The following UNC5C variants were observed in gnomAD, a reference collection of about 807,000 sequenced individuals.
The protein encoded by UNC5C is netrin receptor UNC5C.
Under a neutral mutation model 99.8 loss-of-function variants are expected in UNC5C, and 47 were observed. The ratio of observed to expected loss-of-function variants is 0.47; its 90% confidence interval spans 0.37 to 0.60. The LOEUF is 0.60. UNC5C is among the 20% of genes least tolerant of loss of function. UNC5C has a pLI of 0.00. For missense variants in UNC5C, 1,062 were observed against 1,165.9 expected (o/e 0.91, Z 1.30); for synonymous variants, 487 against 452.2 (o/e 1.08, Z -0.98).
At chr4:95,226,401 T>A (rs1738690055) in intron 7 of UNC5C, among the ~76,000 whole-genome samples, 1 of 152,208 alleles carries the variant, frequency 6.6e-6, no homozygotes, top group Admixed American at 6.5e-5. Context: ...ATTTGTAAGG[T>A]GCTGGTACAT....
intron 9 of UNC5C, 86 bp downstream of exon 9, chr4:95,218,883 G>T: frequency 7.4e-7 from 1 of 1,354,424 alleles, no homozygotes; most frequent in Non-Finnish European, 9.9e-7. Flanking sequence ...CAGGCCTAAT[G>T]AAAACATCCC....
At chr4:95,341,022 G>C (rs954130600) in intron 1 of UNC5C, among the ~76,000 whole-genome samples, 2 of 152,152 alleles carry the variant, frequency 1.3e-5, no homozygotes, top group Non-Finnish European at 2.9e-5. Flanking sequence ...AGGAGGTGAA[G>C]AAATGTGCAA....
At chr4:95,373,423 C>T (rs1300174506) in intron 1 of UNC5C, among the ~76,000 whole-genome samples, 1 of 152,164 alleles carries the variant, frequency 6.6e-6, no homozygotes, top group Admixed American at 6.5e-5. Context: ...ATCCTGCTCC[C>T]TCCACGCATC....
chr4:95,249,794 C>T (rs1410583974), intron 5 of UNC5C, among the ~76,000 whole-genome samples: 1 of 152,136 alleles, frequency 6.6e-6, no homozygotes, highest in South Asian at 2.1e-4. Flanking sequence ...TTTAGCATAT[C>T]GTTAGGATTA....
In UNC5C at chr4:95,317,939, G is replaced by A. The variant is rs138377448; in HGVS notation, c.347-16190C>T. Reference sequence around the variant, plus strand: ...TTGGTGGCTGTAGTGGGCTGAATGCGGAATGGTGTCCCACAAAGGATATGT... The same window carrying A: ...TTGGTGGCTGTAGTGGGCTGAATGCAGAATGGTGTCCCACAAAGGATATGT... On this transcript the variant is annotated intron_variant, in intron 2 of 15. Coordinates refer to ENST00000453304, the MANE Select transcript of UNC5C (RefSeq NM_003728.4). Among the ~76,000 whole-genome samples, 20 of 152,100 alleles carry A rather than the reference G, an allele frequency of 1.3e-4. 1 individual carries two copies. The highest frequency in any genetic ancestry group is 1.2e-3 in the South Asian group (6 of 4,816).
intron 1 of UNC5C, among the ~76,000 whole-genome samples, chr4:95,376,048 G>C (rs563018059): frequency 6.6e-6 from 1 of 151,770 alleles, no homozygotes; most frequent in African/African-American, 2.4e-5. Flanking sequence ...GCAAGACTCC[G>C]TCTCAAAAAA....
intron 4 of UNC5C, among the ~76,000 whole-genome samples, chr4:95,271,233 T>C (rs1001248678): frequency 2.2e-5 from 2 of 88,908 alleles, no homozygotes; most frequent in African/African-American, 1.4e-4. Flanking sequence ...TTTTTATTTA[T>C]TTTTTTTTTT....
chr4:95,385,318 A>G (rs1745183928), intron 1 of UNC5C, among the ~76,000 whole-genome samples: 2 of 152,364 alleles, frequency 1.3e-5, no homozygotes, highest in South Asian at 4.1e-4. Flanking sequence ...TTGCAGAAAG[A>G]TGGATAAACC....
intron 14 of UNC5C, among the ~76,000 whole-genome samples, chr4:95,174,089 C>A (rs1485536151): frequency 6.6e-6 from 1 of 151,958 alleles, no homozygotes; most frequent in Non-Finnish European, 1.5e-5. Context: ...TTGGTGATAT[C>A]CCCTTTATCA....
chr4:95,220,125 A>G lies in UNC5C; in HGVS notation c.1160T>C (p.Val387Ala), dbSNP rs777686939. ...VALYVGIVIA[V>A]IVCLAISVVV... is the part of the protein sequence containing the mutation. The stretch of plus-strand genomic sequence containing the variant: ...TACAGAGATCGCCAGGCAAACGATC[A>G]CTGCTATCACAATCCCAACATAGAG... The change falls in exon 8 of 16, where the codon GTG (valine) becomes GCG (alanine). Residue 387 changes from valine (V) to alanine (A), a missense_variant. Coordinates refer to ENST00000453304, the MANE Select transcript of UNC5C (RefSeq NM_003728.4). The G allele has an allele frequency of 8.1e-6, 13 of 1,614,010 alleles. 1 individual carries two copies. The Middle Eastern group carries it at 4.9e-4, about 61-fold the overall frequency.
chr4:95,176,439 G>A (rs987745413), intron 14 of UNC5C, among the ~76,000 whole-genome samples: 66 of 152,086 alleles, frequency 4.3e-4, no homozygotes, highest in African/African-American at 1.4e-3. Flanking sequence ...TGTCCTTTCT[G>A]TTTGTTAGTT....
At chr4:95,367,051 A>G (rs1254010680) in intron 1 of UNC5C, among the ~76,000 whole-genome samples, 1 of 152,166 alleles carries the variant, frequency 6.6e-6, no homozygotes, top group Non-Finnish European at 1.5e-5. Context: ...GACCCTGTCA[A>G]TTAGGTAGGG....
intron 7 of UNC5C, among the ~76,000 whole-genome samples, chr4:95,227,519 G>C (rs7674527): frequency 0.098 from 14,905 of 152,124 alleles, 1,482 homozygotes; most frequent in African/African-American, 0.25. Flanking sequence ...CAGGAATACA[G>C]ACTAAAGGAG....
intron 7 of UNC5C, among the ~76,000 whole-genome samples, chr4:95,221,018 G>A (rs75985930): frequency 0.012 from 1,772 of 152,300 alleles, 21 homozygotes; most frequent in Non-Finnish European, 0.019. Context: ...CCAACACAGT[G>A]TGTCAGTCAA....
chr4:95,510,434 C>T (rs796418940), intron 1 of UNC5C, among the ~76,000 whole-genome samples: 10 of 125,970 alleles, frequency 7.9e-5, no homozygotes, highest in African/African-American at 3.5e-4. Flanking sequence ...TTCTTTTTTT[C>T]CTTAATTTTT....
rs1034623270 is a variant in UNC5C at position 95,423,727 on chromosome 4, T to C, written c.125-88096A>G. On this transcript the variant is annotated intron_variant, in intron 1 of 15. Coordinates refer to ENST00000453304, the MANE Select transcript of UNC5C (RefSeq NM_003728.4). ...GGCATAAGTCATCTAAGGCTTTTTC[T>C]GTAAAAGGTGCAGACTCTATCTGTG... Among the ~76,000 whole-genome samples, 8 of 152,328 alleles carry C rather than the reference T, an allele frequency of 5.3e-5. No homozygotes were observed. The East Asian group carries it at 1.5e-3, about 29-fold the overall frequency.
At chr4:95,331,166 T>A (rs1379932848) in intron 2 of UNC5C, among the ~76,000 whole-genome samples, 1 of 152,176 alleles carries the variant, frequency 6.6e-6, no homozygotes, top group African/African-American at 2.4e-5. Flanking sequence ...TTTTTATGGA[T>A]GAATAGTATT....
chr4:95,424,556 C>G (rs1746417299), intron 1 of UNC5C, among the ~76,000 whole-genome samples: 1 of 75,890 alleles, frequency 1.3e-5, no homozygotes, highest in South Asian at 5.1e-4. Context: ...GCTTCTTGCT[C>G]TGTGGCCCTG....
chr4:95,455,111 A>G (rs1426479429), intron 1 of UNC5C, among the ~76,000 whole-genome samples: 5 of 152,132 alleles, frequency 3.3e-5, no homozygotes, highest in African/African-American at 7.2e-5. Flanking sequence ...TATTAAAAAT[A>G]GTGTCCCAAT....
Sources: allele counts gnomAD v4.1 joint callset (sites outside exome capture counted in the v4.1 genomes callset), GRCh38; gene constraint gnomAD v4.1.1; transcripts MANE v1.5; gene names NCBI Gene and HGNC (gene_info 2026-07-23, HGNC 2026-07-21).